UNC5D: variants seen among roughly 807,000 people sequenced by gnomAD.
UNC5D encodes the protein unc-5 netrin receptor D, also known as netrin receptor UNC5D.
In UNC5D, 39 loss-of-function variants were observed where a neutral mutation model predicts 105.4. The ratio of observed to expected loss-of-function variants is 0.37; its 90% CI spans 0.29 to 0.48. The LOEUF is 0.48. UNC5D is among the 20% of genes least tolerant of loss of function. UNC5D has a pLI of 0.98. For synonymous variants in UNC5D, 452 were observed against 450.4 expected (o/e 1.00, Z -0.04); for missense variants, 991 against 1,202.4 (o/e 0.82, Z 2.60).
intron 1 of UNC5D, among the ~76,000 whole-genome samples, chr8:35,314,921 A>G (rs1585564246): frequency 6.6e-6 from 1 of 152,180 alleles, no homozygotes; most frequent in Non-Finnish European, 1.5e-5. Flanking sequence ...GTAATGCTGT[A>G]AGGAAATGAT....
At chr8:35,631,779 G>C (rs1460630177) in intron 4 of UNC5D, among the ~76,000 whole-genome samples, 1 of 152,162 alleles carries the variant, frequency 6.6e-6, no homozygotes, top group Non-Finnish European at 1.5e-5. Context: ...CTGTTTTATA[G>C]GATTACAATA....
intron 1 of UNC5D, among the ~76,000 whole-genome samples, chr8:35,248,991 T>TAA (rs1554494470): frequency 3.3e-5 from 3 of 89,726 alleles, no homozygotes; most frequent in African/African-American, 1.3e-4. Context: ...ATATAATATA[T>TAA]TATATATAAA....
intron 1 of UNC5D, among the ~76,000 whole-genome samples, chr8:35,368,249 C>A (rs2128923187): frequency 1.3e-5 from 2 of 152,262 alleles, no homozygotes; most frequent in Non-Finnish European, 2.9e-5. Flanking sequence ...AATAGAACAA[C>A]AAACTGGTTT....
chr8:35,248,627 T>TATAA (rs1803378208), intron 1 of UNC5D, among the ~76,000 whole-genome samples: 1 of 96,478 alleles, frequency 1.0e-5, no homozygotes, highest in African/African-American at 4.4e-5. Context: ...AATATATAAA[T>TATAA]ATATGTTATA....
chr8:35,532,192 TC>T (rs1814439883), intron 1 of UNC5D, among the ~76,000 whole-genome samples: 1 of 150,186 alleles, frequency 6.7e-6, no homozygotes, highest in South Asian at 2.1e-4. Flanking sequence ...TACCGGTTGT[TC>T]CTTTCCATGT....
intron 1 of UNC5D, among the ~76,000 whole-genome samples, chr8:35,417,632 A>G (rs1805615373): frequency 6.6e-6 from 1 of 152,142 alleles, no homozygotes. Flanking sequence ...TTTTTTTTTA[A>G]TGACACAAGT....
intron 1 of UNC5D, among the ~76,000 whole-genome samples, chr8:35,527,860 C>G (rs902744760): frequency 6.6e-6 from 1 of 151,986 alleles, no homozygotes; most frequent in African/African-American, 2.4e-5. Flanking sequence ...GGTACTAGTC[C>G]TGTTCATATG....
intron 1 of UNC5D, among the ~76,000 whole-genome samples, chr8:35,473,554 C>T (rs2129867654): frequency 6.6e-6 from 1 of 152,246 alleles, no homozygotes; most frequent in Non-Finnish European, 1.5e-5. Flanking sequence ...ACTTTACAAG[C>T]TCGAGTCCCC....
rs199996679 is a variant in UNC5D at position 35,785,169 on chromosome 8, G to GCC, written c.2658-5189_2658-5188dup. Among the ~76,000 whole-genome samples the GCC allele has an allele frequency of 8.3e-3, 1,269 of 152,060 alleles. 17 individuals are homozygous for GCC. The highest frequency in any genetic ancestry group is 0.029 in the African/African-American group (1,209 of 41,422). On this transcript the variant is annotated intron_variant, in intron 16 of 16. Transcript: ENST00000404895. ...CCCTGAATGGTGTGTGCATTTACCT[G>GCC]CCGGTGCCCAAATGCACCAGCATTA...
intron 1 of UNC5D, among the ~76,000 whole-genome samples, chr8:35,345,478 T>C (rs1472681646): frequency 6.6e-6 from 1 of 152,060 alleles, no homozygotes; most frequent in East Asian, 1.9e-4. Context: ...TTCAAATACA[T>C]TTGAATAACA....
chr8:35,295,375 C>T (rs1807405357), intron 1 of UNC5D, among the ~76,000 whole-genome samples: 1 of 152,050 alleles, frequency 6.6e-6, no homozygotes, highest in Non-Finnish European at 1.5e-5. Flanking sequence ...GGTTCATCTG[C>T]AAGTTTTTTT....
chr8:35,746,966 A>G (rs1830039185), intron 11 of UNC5D, among the ~76,000 whole-genome samples: 1 of 152,120 alleles, frequency 6.6e-6, no homozygotes, highest in Admixed American at 6.5e-5. Context: ...CTTTCCACAG[A>G]GCATTTGATG....
intron 1 of UNC5D, among the ~76,000 whole-genome samples, chr8:35,257,336 AGATTCT>A (rs1295832147): frequency 6.6e-6 from 1 of 152,154 alleles, no homozygotes; most frequent in East Asian, 1.9e-4. Flanking sequence ...CCTTGGGCAC[AGATTCT>A]GTTTCCCCAT....
chr8:35,256,498 GATA>G (rs1424171986), intron 1 of UNC5D: 2 of 151,694 alleles, frequency 1.3e-5, no homozygotes, highest in Non-Finnish European at 2.9e-5. Context: ...AGTTTTATGT[GATA>G]ATATGAGTGT....
At chr8:35,288,394 G>A (rs1012481277) in intron 1 of UNC5D, among the ~76,000 whole-genome samples, 7 of 151,764 alleles carry the variant, frequency 4.6e-5, no homozygotes, top group East Asian at 3.9e-4. Context: ...AAAAACTTTC[G>A]AGCAAATAAA....
chr8:35,709,899 A>G (rs1827831916), intron 8 of UNC5D, among the ~76,000 whole-genome samples: 1 of 152,112 alleles, frequency 6.6e-6, no homozygotes, highest in Non-Finnish European at 1.5e-5. Flanking sequence ...GAAGTGGAGA[A>G]TAGTAATAGC....
At chr8:35,274,605 C>T (rs1031625433) in intron 1 of UNC5D, among the ~76,000 whole-genome samples, 1 of 152,142 alleles carries the variant, frequency 6.6e-6, no homozygotes, top group African/African-American at 2.4e-5. Context: ...TGATATGCCA[C>T]GTTTTGTCCT....
intron 4 of UNC5D, among the ~76,000 whole-genome samples, chr8:35,678,175 A>G (rs1327773805): frequency 6.6e-6 from 1 of 152,160 alleles, no homozygotes; most frequent in East Asian, 1.9e-4. Flanking sequence ...CATCTTGAGC[A>G]TACATCATTT....
chr8:35,347,287 A>T (rs538279229), intron 1 of UNC5D, among the ~76,000 whole-genome samples: 5 of 151,962 alleles, frequency 3.3e-5, no homozygotes, highest in Admixed American at 6.6e-5. Flanking sequence ...TGGGCTTTGT[A>T]GGGTGTGTAT....
Sources: gnomAD v4.1 joint callset for allele counts (sites outside exome capture counted in the v4.1 genomes callset) on GRCh38, gnomAD v4.1.1 for gene constraint, MANE v1.5 for transcripts, NCBI Gene and HGNC (gene_info 2026-07-23, HGNC 2026-07-21) for gene names.